The following NTRK2 variants were observed in gnomAD, a reference collection of about 807,000 sequenced individuals.
The protein encoded by NTRK2 is BDNF/NT-3 growth factors receptor.
Under a neutral mutation model 94.5 loss-of-function variants are expected in NTRK2, and 13 were observed. The observed-to-expected ratio is 0.14, with a 90% CI of 0.09 to 0.22. The LOEUF (loss-of-function observed/expected upper bound fraction) is 0.22. Ranked by LOEUF, NTRK2 falls within the 10% of genes least tolerant of loss-of-function variation. NTRK2 has a pLI of 1.00. For synonymous variants in NTRK2, 372 were observed against 407.4 expected (o/e 0.91, Z 1.05); for missense variants, 639 against 1,071.2 (o/e 0.60, Z 5.63).
intron 6 of NTRK2, among the ~76,000 whole-genome samples, chr9:84,720,187 CTACA>C (rs1381220480): frequency 6.6e-6 from 1 of 152,148 alleles, no homozygotes; most frequent in East Asian, 1.9e-4. Context: ...GGCAGAACTA[CTACA>C]ATGCTTAGAG....
At chr9:84,848,040 C>T (rs1200924678) in intron 12 of NTRK2, among the ~76,000 whole-genome samples, 2 of 151,344 alleles carry the variant, frequency 1.3e-5, no homozygotes, top group Non-Finnish European at 2.9e-5. Flanking sequence ...TTGCTGTGTC[C>T]TCACATGGCC....
At chr9:84,748,723 T>G (rs1376257516) in intron 11 of NTRK2, among the ~76,000 whole-genome samples, 2 of 152,192 alleles carry the variant, frequency 1.3e-5, no homozygotes, top group South Asian at 2.1e-4. Flanking sequence ...TTAGGTATTC[T>G]CCATCTATCT....
At chr9:84,797,187 G>A (rs1432783687) in intron 12 of NTRK2, among the ~76,000 whole-genome samples, 1 of 151,974 alleles carries the variant, frequency 6.6e-6, no homozygotes, top group Non-Finnish European at 1.5e-5. Context: ...ATTACCCAAA[G>A]GTGAGCAAAT....
intron 12 of NTRK2, among the ~76,000 whole-genome samples, chr9:84,797,843 T>A (rs1301159174): frequency 3.0e-5 from 2 of 67,346 alleles, no homozygotes; most frequent in Non-Finnish European, 2.8e-5. Flanking sequence ...AATATATATA[T>A]TATATATTAT....
intron 12 of NTRK2, among the ~76,000 whole-genome samples, chr9:84,828,005 C>T (rs1238498526): frequency 6.6e-6 from 1 of 152,154 alleles, no homozygotes; most frequent in Non-Finnish European, 1.5e-5. Flanking sequence ...GCTTTTAAGC[C>T]TTTCTTTTGA....
At chr9:84,757,300 A>G (rs2132581204) in intron 12 of NTRK2, among the ~76,000 whole-genome samples, 1 of 152,140 alleles carries the variant, frequency 6.6e-6, no homozygotes, top group Admixed American at 6.5e-5. Flanking sequence ...GACCATTTCC[A>G]CTCCTAGAAA....
chr9:84,942,679 TATC>T (rs1410919141), intron 15 of NTRK2, among the ~76,000 whole-genome samples: 2 of 152,116 alleles, frequency 1.3e-5, no homozygotes, highest in African/African-American at 4.8e-5. Context: ...TAACTCAACA[TATC>T]TATATTATCA....
chr9:84,680,317 A>G (rs1233896590), intron 2 of NTRK2, among the ~76,000 whole-genome samples: 3 of 152,236 alleles, frequency 2.0e-5, no homozygotes, highest in South Asian at 4.1e-4. Context: ...ATTGATGTGT[A>G]GATGGGATGT....
chr9:84,782,711 C>T (rs1040788059), intron 12 of NTRK2, among the ~76,000 whole-genome samples: 15 of 152,228 alleles, frequency 9.9e-5, no homozygotes, highest in African/African-American at 3.1e-4. Flanking sequence ...CCACATTTTC[C>T]GAGGCAGTGA....
At chr9:84,898,498 T>A (rs2076826740) in intron 14 of NTRK2, among the ~76,000 whole-genome samples, 1 of 152,094 alleles carries the variant, frequency 6.6e-6, no homozygotes, top group Admixed American at 6.5e-5. Context: ...TTTCTTTCTT[T>A]CTTTTTCTTT....
rs1173199220 is a variant in NTRK2 at position 84,706,521 on chromosome 9, G to GTTTTTTT, written c.360-1318_360-1317insTTTTTTT. Among the ~76,000 whole-genome samples the GTTTTTTT allele has an allele frequency of 2.4e-3, 233 of 95,336 alleles. 38 individuals are homozygous for GTTTTTTT. Among genetic ancestry groups the GTTTTTTT allele is most frequent in the South Asian group, 3.2e-3 (8 of 2,520 alleles). The allele number at this position is 95,336 out of a possible 152,430, so 62.5% of individuals were successfully genotyped here. A position where few individuals can be genotyped will look rare whatever the true frequency, so the allele number is the denominator to read the frequency against. On this transcript the variant is annotated intron_variant, in intron 4 of 18. Transcript: ENST00000277120. ...TCAGATCTCATGTGTGTTATTTTTT[G>GTTTTTTT]TTTTTGTTTTTTTTTTTTTTTTTTT...
At chr9:84,736,698 T>A (rs1325041334) in intron 9 of NTRK2, among the ~76,000 whole-genome samples, 1 of 152,198 alleles carries the variant, frequency 6.6e-6, no homozygotes, top group Non-Finnish European at 1.5e-5. Context: ...TTCTTATACC[T>A]CAGGAGTGCT....
chr9:84,984,109 A>G (rs1028892388), intron 17 of NTRK2, among the ~76,000 whole-genome samples: 10 of 152,212 alleles, frequency 6.6e-5, no homozygotes, highest in African/African-American at 2.4e-4. Flanking sequence ...AGTGATGATT[A>G]GCCTTTATAT....
chr9:84,734,230 C>T lies in NTRK2; in HGVS notation c.1159+6271C>T, dbSNP rs138256437. On this transcript the variant is annotated intron_variant, in intron 9 of 18. Coordinates refer to ENST00000277120, the MANE Select transcript of NTRK2 (RefSeq NM_006180.6). ...CTTGAGGCTGAGCATATCTGAAGTG[C>T]CGATGCAGTGCCTGACACATGATAG... Among the ~76,000 whole-genome samples the T allele has an allele frequency of 2.2e-3, 338 of 152,298 alleles. 2 individuals carry two copies. Among genetic ancestry groups the T allele is most frequent in the African/African-American group, 7.8e-3 (325 of 41,562 alleles).
chr9:84,870,930 G>A (rs1342244808), intron 14 of NTRK2, among the ~76,000 whole-genome samples: 2 of 152,262 alleles, frequency 1.3e-5, no homozygotes, highest in Non-Finnish European at 2.9e-5. Context: ...TGAATTGTAA[G>A]AATCTAATAT....
At chr9:84,875,163 C>G (rs1325149653) in intron 14 of NTRK2, 2 of 1,059,266 alleles carry the variant, frequency 1.9e-6, no homozygotes, top group Non-Finnish European at 2.3e-6. Context: ...CCATATGTGT[C>G]CTTGCATTTG....
At chr9:84,761,235 A>G (rs889100904) in intron 12 of NTRK2, among the ~76,000 whole-genome samples, 12 of 152,120 alleles carry the variant, frequency 7.9e-5, no homozygotes, top group African/African-American at 2.9e-4. Flanking sequence ...AATATCCTGG[A>G]TTGAAGCAGA....
At chr9:84,721,324 C>G (rs111319553) in intron 6 of NTRK2, among the ~76,000 whole-genome samples, 1 of 151,978 alleles carries the variant, frequency 6.6e-6, no homozygotes, top group Non-Finnish European at 1.5e-5. Flanking sequence ...TACAGGCACC[C>G]GCCACTGCGC....
At chr9:84,898,577 A>G (rs967852258) in intron 14 of NTRK2, among the ~76,000 whole-genome samples, 2 of 151,796 alleles carry the variant, frequency 1.3e-5, no homozygotes, top group Non-Finnish European at 2.9e-5. Context: ...TCCATTCAAC[A>G]TATGAGGCAA....
Sources: allele counts gnomAD v4.1 joint callset (sites outside exome capture counted in the v4.1 genomes callset), GRCh38; gene constraint gnomAD v4.1.1; transcripts MANE v1.5; gene names NCBI Gene and HGNC (gene_info 2026-07-23, HGNC 2026-07-21).